NAB1: variants seen among roughly 807,000 people sequenced by gnomAD.
NAB1 encodes the protein NGFI-A-binding protein 1.
In NAB1, 25 loss-of-function variants were observed where a neutral mutation model predicts 49.9. The ratio of observed to expected loss-of-function variants is 0.50; its 90% CI spans 0.37 to 0.70. NAB1 has a LOEUF of 0.70. NAB1 is among the 30% of genes least tolerant of loss of function. The probability of loss-of-function intolerance (pLI) is 0.00; values close to 1 mark genes in which losing one functional copy is unlikely to be tolerated. For missense variants in NAB1, 489 were observed against 575.9 expected (o/e 0.85, Z 1.54); for synonymous variants, 198 against 215.6 (o/e 0.92, Z 0.71).
chr2:190,673,094 C>G lies in NAB1; in HGVS notation c.954-7C>G. On this transcript the variant is annotated splice_polypyrimidine_tract_variant and splice_region_variant and intron_variant, in intron 5 of 9. Coordinates refer to ENST00000337386, the MANE Select transcript of NAB1 (RefSeq NM_005966.4). ...TTTTTTTTTTTTTTCTCTCCCCTTT[C>G]CCTTAGGTCAAAATGTGGAGAAAGA... is the stretch of plus-strand genomic sequence containing the variant. 6.3e-7 allele frequency: 1 copy of G among 1,582,546 alleles called. No homozygotes were observed. The highest frequency in any genetic ancestry group is 1.1e-5 in the South Asian group (1 of 87,710).
rs1290704187 is a variant in NAB1, at chr2:190,659,280, G to A, written c.104G>A (p.Gly35Asp). The change falls in exon 4 of 10, where the codon GGT becomes GAT. Residue 35 changes from glycine to aspartate, a missense_variant. This residue lies in a region of NAB1 where 35 missense variants were observed against 85.6 expected (regional missense o/e 0.41). Coordinates refer to ENST00000337386, the MANE Select transcript of NAB1 (RefSeq NM_005966.4). This position sits in a 1 kb window ranked among gnomAD's most constrained non-coding sequence, Gnocchi z 6.2. ...SYFDAFIQQG[G>D]DDVQQLCEAG... Reference sequence around the variant, plus strand: ...TTTGATGCCTTTATCCAACAAGGTGGTGATGATGTCCAGCAACTCTGTGAA... The same window carrying A: ...TTTGATGCCTTTATCCAACAAGGTGATGATGATGTCCAGCAACTCTGTGAA... 6.2e-7 allele frequency: 1 copy of A among 1,614,012 alleles called. No homozygotes were observed. The highest frequency in any genetic ancestry group is 1.3e-5 in the African/African-American group (1 of 74,886).
rs1383287875 is a variant in NAB1 at position 190,691,197 on chromosome 2, G to A, written c.*864G>A. 1 of 152,570 alleles carries A rather than the reference G, an allele frequency of 6.6e-6. No individual in the cohort carries two copies. Among genetic ancestry groups the A allele is most frequent in the East Asian group, 1.9e-4 (1 of 5,202 alleles). 9.5% of individuals were successfully genotyped at this position (152,570 alleles called of 1,614,324 possible). ...AATGTGTTAAATAGATTAAGACACAGTAAGTTAACCCTACATGTTATAAAG... is the reference window on the plus strand; with the variant it reads ...AATGTGTTAAATAGATTAAGACACAATAAGTTAACCCTACATGTTATAAAG... On this transcript the variant is annotated 3_prime_UTR_variant, in exon 10 of 10. Coordinates refer to ENST00000337386, the MANE Select transcript of NAB1 (RefSeq NM_005966.4). This position sits in a 1 kb window ranked among gnomAD's most constrained non-coding sequence, Gnocchi z 4.1.
rs1694693606 is a variant in NAB1 at position 190,669,507 on chromosome 2, A to T, written c.820-819A>T. Among the ~76,000 whole-genome samples, 1 of 152,196 alleles carries T rather than the reference A, an allele frequency of 6.6e-6. No individual in the cohort carries two copies. The highest frequency in any genetic ancestry group is 1.5e-5 in the Non-Finnish European group (1 of 68,022). On this transcript the variant is annotated intron_variant, in intron 4 of 9. Transcript: ENST00000337386. The surrounding 1 kb of genome is among the most constrained non-coding windows in gnomAD (Gnocchi z 4.3). The stretch of plus-strand genomic sequence containing the variant: ...TAAATGATGAAGCAGGACTCTCCTC[A>T]GGTCTGTCTGCCATCACGTCCCATT...
At chr2:190,683,513 G>A (rs1000095308) in intron 6 of NAB1, among the ~76,000 whole-genome samples, 1 of 151,772 alleles carries the variant, frequency 6.6e-6, no homozygotes, top group Non-Finnish European at 1.5e-5. Context: ...TAAAACAATA[G>A]GAATGATGAC....
chr2:190,658,486 A>G (rs1001512499), intron 3 of NAB1, among the ~76,000 whole-genome samples: 3 of 152,224 alleles, frequency 2.0e-5, no homozygotes, highest in African/African-American at 4.8e-5. Context: ...ATAAATGTCA[A>G]TAAAGAGTAA....
chr2:190,683,661 G>C, intron 6 of NAB1, 77 bp from the exon 7 acceptor site: 1 of 963,016 alleles, frequency 1.0e-6, no homozygotes, highest in East Asian at 2.6e-5. Context: ...TTAAGAGTTT[G>C]CTTTATTTTC....
Position 190,679,457 on chromosome 2 carries a change from G to A in NAB1, c.1006-4281G>A, listed in dbSNP as rs777897363. On this transcript the variant is annotated intron_variant, in intron 6 of 9. Coordinates refer to ENST00000337386, the MANE Select transcript of NAB1 (RefSeq NM_005966.4). The surrounding 1 kb of genome is among the most constrained non-coding windows in gnomAD (Gnocchi z 5.3). ...ATTTATCTTTATTAATGGTGGAATA[G>A]TGTCCATTTTCTAGCAACTTTCACA... Among the ~76,000 whole-genome samples the A allele has an allele frequency of 2.6e-5, 4 of 152,148 alleles. No individual in the cohort carries two copies. The highest frequency in any genetic ancestry group is 5.9e-5 in the Non-Finnish European group (4 of 68,018).
In NAB1 at chr2:190,654,444, G is replaced by C. The variant is rs1004960592; in HGVS notation, c.-196-1533G>C. 3.9e-5 allele frequency among the ~76,000 whole-genome samples: 6 copies of C among 152,224 alleles called. No homozygotes were observed. In the East Asian group the frequency reaches 1.2e-3, roughly 29 times the overall value. On this transcript the variant is annotated intron_variant, in intron 2 of 9. Transcript: ENST00000337386. The surrounding 1 kb of genome is among the most constrained non-coding windows in gnomAD (Gnocchi z 5.6). ...GAAGGGAGATGACAGCTGCAGCCAG[G>C]GGTAGTGGGAAAGACATTTTGGGAA...
rs766590461 is a variant in NAB1, at chr2:190,659,937, C to T, written c.761C>T (p.Ala254Val). The T allele has an allele frequency of 2.8e-5, 45 of 1,614,004 alleles. No homozygotes were observed. The highest frequency in any genetic ancestry group is 3.5e-5 in the Non-Finnish European group (41 of 1,179,982). ...HKEEEIRKYS[A>V]IYGRFDSKRK... ...GAGGAGGAAATTCGGAAATACAGTG[C>T]AATATATGGCAGATTTGACTCAAAG... Residue 254 changes from alanine to valine, a missense_variant, in exon 4 of 10, where the codon GCA becomes GTA. Ala to Val is a moderately conservative substitution (Grantham distance 64, BLOSUM62 0). Coordinates refer to ENST00000337386, the MANE Select transcript of NAB1 (RefSeq NM_005966.4). The surrounding 1 kb of genome is among the most constrained non-coding windows in gnomAD (Gnocchi z 6.2).
At chr2:190,653,472 G>A (rs4599150) in intron 2 of NAB1, among the ~76,000 whole-genome samples, 34,733 of 152,102 alleles carry the variant, frequency 0.23, 4,088 homozygotes, top group Middle Eastern at 0.25. Context: ...TGCAGGCTGT[G>A]TTGGGGGAAG....
chr2:190,687,381 A>G (rs1695664273), intron 9 of NAB1, 64 bp downstream of exon 9: 1 of 561,108 alleles, frequency 1.8e-6, no homozygotes. Context: ...ATTCTGTTCT[A>G]TTTCCTCCCC....
In NAB1 at chr2:190,690,253, G is replaced by A; in HGVS notation, c.1384G>A (p.Gly462Arg). 1 of 1,608,418 alleles carries A rather than the reference G, an allele frequency of 6.2e-7. No homozygotes were observed. The highest frequency in any genetic ancestry group is 8.5e-7 in the Non-Finnish European group (1 of 1,175,478). Residue 462 changes from glycine to arginine, a missense_variant, in exon 10 of 10, where the codon GGG becomes AGG. Gly to Arg is a moderately radical substitution (Grantham distance 125). Coordinates refer to ENST00000337386, the MANE Select transcript of NAB1 (RefSeq NM_005966.4). ...EAKSHSSESL[G>R]ILKDYPHSAF... ...TTTCCATTTTTATGTAGAGAGCCTT[G>A]GGATTTTAAAAGACTACCCTCATTC... is the stretch of plus-strand genomic sequence containing the variant.
Position 190,654,021 on chromosome 2 carries a change from C to T in NAB1, c.-196-1956C>T, listed in dbSNP as rs898788147. Among the ~76,000 whole-genome samples, 1 of 152,098 alleles carries T rather than the reference C, an allele frequency of 6.6e-6. No individual in the cohort carries two copies. Among genetic ancestry groups the T allele is most frequent in the Non-Finnish European group, 1.5e-5 (1 of 68,016 alleles). On this transcript the variant is annotated intron_variant, in intron 2 of 9. Coordinates refer to ENST00000337386, the MANE Select transcript of NAB1 (RefSeq NM_005966.4). The surrounding 1 kb of genome is among the most constrained non-coding windows in gnomAD (Gnocchi z 5.6). ...GATACTGGTTTACACAGAAGGCCTC[C>T]CCTTTGGAATATGAAAGGTTGCTGA...
At position 190,686,233 on chromosome 2, in the gene NAB1, G is replaced by A. The variant is rs1447354475; in HGVS notation, c.1258+595G>A. The stretch of plus-strand genomic sequence containing the variant: ...TTTTTTAGCAATTCCTATGTGCCAG[G>A]CACTCTCCTAGGCACTGAAGATGCA... On this transcript the variant is annotated intron_variant, in intron 8 of 9. Coordinates refer to ENST00000337386, the MANE Select transcript of NAB1 (RefSeq NM_005966.4). The surrounding 1 kb of genome is among the most constrained non-coding windows in gnomAD (Gnocchi z 5.5). Among the ~76,000 whole-genome samples, 6 of 152,080 alleles carry A rather than the reference G, an allele frequency of 3.9e-5. No individual in the cohort carries two copies. In the East Asian group the frequency reaches 9.6e-4, roughly 24 times the overall value.
rs1265555426 is a variant in NAB1, at chr2:190,679,018, G to A, written c.1006-4720G>A. On this transcript the variant is annotated intron_variant, in intron 6 of 9. Transcript: ENST00000337386. This position sits in a 1 kb window ranked among gnomAD's most constrained non-coding sequence, Gnocchi z 5.3. ...GTAATTAGGTCATGCACCAGCCTCC[G>A]TCCCATAGCTTTTATTTTCTCAGTG... 1.3e-5 allele frequency among the ~76,000 whole-genome samples: 2 copies of A among 152,270 alleles called. No homozygotes were observed. The highest frequency in any genetic ancestry group is 2.4e-5 in the African/African-American group (1 of 41,564).
At chr2:190,662,163 A>C (rs1022425656) in intron 4 of NAB1, among the ~76,000 whole-genome samples, 1 of 152,102 alleles carries the variant, frequency 6.6e-6, no homozygotes, top group African/African-American at 2.4e-5. Context: ...AATTGTGTGG[A>C]TACTGTTCTC....
Position 190,683,640 on chromosome 2 carries a change from AG to A in NAB1, c.1006-96del, listed in dbSNP as rs1462973143. 2.1e-5 allele frequency: 15 copies of A among 728,836 alleles called. No individual in the cohort carries two copies. In the Admixed American group the frequency reaches 3.5e-4, roughly 17 times the overall value. 45.1% of individuals were successfully genotyped at this position (728,836 alleles called of 1,614,324 possible). Reference sequence around the variant, plus strand: ...ATTAAAATCTTAATCATGATTATTCAGGTAGTGAGATTAAGAGTTTGCTTTA... The same window carrying A: ...ATTAAAATCTTAATCATGATTATTCAGTAGTGAGATTAAGAGTTTGCTTTA... On this transcript the variant is annotated intron_variant, in intron 6 of 9. Transcript: ENST00000337386.
intron 6 of NAB1, among the ~76,000 whole-genome samples, chr2:190,681,636 A>G (rs1416929716): frequency 1.3e-5 from 2 of 152,246 alleles, no homozygotes; most frequent in Non-Finnish European, 2.9e-5. Context: ...ATAAAGCTAC[A>G]TAGGACCATC....
rs1219670659 is a variant in NAB1, at chr2:190,657,314, C to G, written c.-20+1161C>G. 6.6e-6 allele frequency among the ~76,000 whole-genome samples: 1 copy of G among 152,050 alleles called. No individual in the cohort carries two copies. Among genetic ancestry groups the G allele is most frequent in the Non-Finnish European group, 1.5e-5 (1 of 68,022 alleles). ...TTAGAAGATGCAAGAACGTTTTTAT[C>G]CAGAGGACTGAGGTGGCATGAATGT... is the stretch of plus-strand genomic sequence containing the variant. On this transcript the variant is annotated intron_variant, in intron 3 of 9. Transcript: ENST00000337386. The surrounding 1 kb of genome is among the most constrained non-coding windows in gnomAD (Gnocchi z 4.4).
Sources: allele counts gnomAD v4.1 joint callset (sites outside exome capture counted in the v4.1 genomes callset), GRCh38; gene constraint gnomAD v4.1.1; regional missense constraint gnomAD v4.1.1; non-coding constraint Gnocchi (gnomAD v3.1); transcripts MANE v1.5; gene names NCBI Gene and HGNC (gene_info 2026-07-23, HGNC 2026-07-21).